Variants in NTAQ1 observed in about 807,000 individuals in gnomAD.
The protein encoded by NTAQ1 is N-terminal glutamine amidase 1, also known as protein N-terminal glutamine amidohydrolase.
A neutral mutation model predicts 28.2 loss-of-function variants in NTAQ1; 21 were observed. The observed-to-expected ratio is 0.74, with a 90% CI of 0.53 to 1.07. The LOEUF is 1.07. Ranked by LOEUF, NTAQ1 falls within the 50% of genes least tolerant of loss-of-function variation. The probability of loss-of-function intolerance (pLI) is 0.00; values close to 1 mark genes in which losing one functional copy is unlikely to be tolerated. For missense variants in NTAQ1, 264 were observed against 256.6 expected (o/e 1.03, Z -0.20); for synonymous variants, 105 against 90.0 (o/e 1.17, Z -0.94).
chr8:123,439,172 C>T (rs1253183294), intron 5 of NTAQ1, among the ~76,000 whole-genome samples: 2 of 152,030 alleles, frequency 1.3e-5, no homozygotes, highest in Admixed American at 1.3e-4. Context: ...TGAGCACTGC[C>T]AGCCCAATTT....
At chr8:123,452,672 C>T (rs553315139), downstream of NTAQ1, among the ~76,000 whole-genome samples, 1 of 152,038 alleles carries the variant, frequency 6.6e-6, no homozygotes, top group Non-Finnish European at 1.5e-5. Context: ...GAGGCCTAGG[C>T]GGGCGGATCA....
At chr8:123,422,964 C>T (rs879704993) in intron 1 of NTAQ1, among the ~76,000 whole-genome samples, 9 of 151,986 alleles carry the variant, frequency 5.9e-5, no homozygotes, top group South Asian at 2.1e-4. Context: ...TGTAAATATG[C>T]GGCTTTATTT....
chr8:123,423,360 C>T (rs1210280029), intron 1 of NTAQ1, among the ~76,000 whole-genome samples: 1 of 148,108 alleles, frequency 6.8e-6, no homozygotes, highest in Non-Finnish European at 1.5e-5. Flanking sequence ...CCCTCCTTTC[C>T]TTCCTTTCCC....
At chr8:123,433,969 A>G (rs570111950) in intron 3 of NTAQ1, among the ~76,000 whole-genome samples, 6 of 148,464 alleles carry the variant, frequency 4.0e-5, no homozygotes, top group Non-Finnish European at 8.9e-5. Flanking sequence ...GTGTTAGTGT[A>G]TTTTATGTGT....
chr8:123,453,863 A>T (rs1179169367), intron 6 of NTAQ1, among the ~76,000 whole-genome samples: 1 of 152,238 alleles, frequency 6.6e-6, no homozygotes, highest in Non-Finnish European at 1.5e-5. Flanking sequence ...ATAGAAAGCC[A>T]CATAGCTAGT....
chr8:123,454,170 T>A (rs1815582547), intron 6 of NTAQ1, among the ~76,000 whole-genome samples: 8 of 152,046 alleles, frequency 5.3e-5, no homozygotes, highest in Admixed American at 5.2e-4. Flanking sequence ...CCTCCCTGAG[T>A]GGTTCTGGTT....
intron 1 of NTAQ1, among the ~76,000 whole-genome samples, chr8:123,424,378 G>A (rs1040124910): frequency 3.9e-5 from 6 of 152,204 alleles, no homozygotes; most frequent in Non-Finnish European, 8.8e-5. Context: ...GAGTAGCTGG[G>A]ATTACAGGTG....
At chr8:123,430,897 C>A (rs1335690292) in intron 3 of NTAQ1, among the ~76,000 whole-genome samples, 3 of 152,182 alleles carry the variant, frequency 2.0e-5, no homozygotes, top group African/African-American at 7.2e-5. Flanking sequence ...CGGATCTACT[C>A]CCACCCCTTT....
intron 1 of NTAQ1, among the ~76,000 whole-genome samples, chr8:123,422,693 G>A (rs541991266): frequency 6.6e-6 from 1 of 151,370 alleles, no homozygotes; most frequent in East Asian, 1.9e-4. Context: ...GTTGCTTTTG[G>A]AGTCTTCATC....
At chr8:123,444,663 C>T (rs989616496), downstream of NTAQ1, among the ~76,000 whole-genome samples, 4 of 152,326 alleles carry the variant, frequency 2.6e-5, no homozygotes, top group Admixed American at 6.5e-5. Flanking sequence ...CCCACCACTA[C>T]GCCCAGCTAA....
chr8:123,440,796 T>A (rs1250384536), intron 5 of NTAQ1, among the ~76,000 whole-genome samples: 1 of 152,156 alleles, frequency 6.6e-6, no homozygotes, highest in Non-Finnish European at 1.5e-5. Flanking sequence ...CCAACATGCT[T>A]GGCTCAGAGC....
downstream of NTAQ1, among the ~76,000 whole-genome samples, chr8:123,470,918 CT>C (rs796299064): frequency 3.1e-3 from 331 of 107,252 alleles, 1 homozygote; most frequent in African/African-American, 7.2e-3. Flanking sequence ...TTCCTTTTTT[CT>C]TTTTTTTTTT....
chr8:123,419,763 C>T (rs62523177), intron 1 of NTAQ1, among the ~76,000 whole-genome samples: 5 of 77,708 alleles, frequency 6.4e-5, no homozygotes, highest in Non-Finnish European at 1.3e-4. Context: ...TCCCTTCCTT[C>T]CTTCCTTTCT....
At chr8:123,424,961 G>A (rs915609747) in intron 1 of NTAQ1, among the ~76,000 whole-genome samples, 1 of 152,078 alleles carries the variant, frequency 6.6e-6, no homozygotes, top group African/African-American at 2.4e-5. Flanking sequence ...GGTATTTGCG[G>A]TAAACTCCCG....
At chr8:123,473,188 G>C (rs866990283), downstream of NTAQ1, among the ~76,000 whole-genome samples, 19 of 152,002 alleles carry the variant, frequency 1.2e-4, no homozygotes, top group African/African-American at 4.6e-4. Flanking sequence ...AAAGTGTCTG[G>C]GAAAATCTTC....
chr8:123,432,687 AT>A (rs113304588), intron 3 of NTAQ1, among the ~76,000 whole-genome samples: 2 of 146,684 alleles, frequency 1.4e-5, no homozygotes, highest in African/African-American at 5.0e-5. Flanking sequence ...TTATTTATGT[AT>A]TTTTTTTTTG....
intron 3 of NTAQ1, chr8:123,435,427 CCTT>C (rs1259608635): frequency 1.0e-6 from 1 of 980,744 alleles, no homozygotes; most frequent in African/African-American, 1.8e-5. Context: ...TTAAAGTCCT[CCTT>C]CTCCTCTCCA....
chr8:123,447,606 C>G (rs993922105), intron 6 of NTAQ1, among the ~76,000 whole-genome samples: 4 of 151,956 alleles, frequency 2.6e-5, no homozygotes, highest in Non-Finnish European at 5.9e-5. Flanking sequence ...AGTAGTAGAG[C>G]CAGGATTCAA....
chr8:123,472,931 C>T (rs538474529), downstream of NTAQ1, among the ~76,000 whole-genome samples: 13 of 152,240 alleles, frequency 8.5e-5, no homozygotes, highest in African/African-American at 3.1e-4. Flanking sequence ...TTCCTTTCAT[C>T]GCCTATTTTC....
Sources: gnomAD v4.1 joint callset for allele counts (sites outside exome capture counted in the v4.1 genomes callset) on GRCh38, gnomAD v4.1.1 for gene constraint, MANE v1.5 for transcripts, NCBI Gene and HGNC (gene_info 2026-07-23, HGNC 2026-07-21) for gene names.